Variants in SNX29 observed in about 807,000 individuals in gnomAD.
SNX29 encodes sorting nexin-29.
In SNX29, 78 loss-of-function variants were observed where a neutral mutation model predicts 102.1. The ratio of observed to expected loss-of-function variants is 0.76; its 90% CI spans 0.64 to 0.92. SNX29 has a LOEUF of 0.92. Among genes scored for constraint, SNX29 ranks in the 40% least tolerant of loss-of-function variants. The pLI is 0.00. For synonymous variants in SNX29, 580 were observed against 414.5 expected, an observed-to-expected ratio of 1.40 and a Z score of -4.85; for missense variants, 1,280 against 1,061.7, an observed-to-expected ratio of 1.21 and a Z score of -2.86.
At chr16:12,534,911 C>G (rs1221742014) in intron 20 of SNX29, among the ~76,000 whole-genome samples, 5 of 152,292 alleles carry the variant, frequency 3.3e-5, no homozygotes, top group African/African-American at 1.2e-4. Context: ...AAGGGATGTA[C>G]TGAGCATCCT....
At chr16:12,451,301 C>T (rs1239467527) in intron 18 of SNX29, among the ~76,000 whole-genome samples, 1 of 152,128 alleles carries the variant, frequency 6.6e-6, no homozygotes, top group Non-Finnish European at 1.5e-5. Context: ...TTCTTCCCCA[C>T]CAGCTCCACC....
intron 16 of SNX29, among the ~76,000 whole-genome samples, chr16:12,395,374 T>C (rs1009913857): frequency 6.6e-6 from 1 of 152,234 alleles, no homozygotes; most frequent in Non-Finnish European, 1.5e-5. Flanking sequence ...TGATGGAAAC[T>C]TCTTTGCTGA....
chr16:12,382,619 AC>A (rs2083208872), intron 16 of SNX29, among the ~76,000 whole-genome samples: 1 of 152,252 alleles, frequency 6.6e-6, no homozygotes, highest in Admixed American at 6.5e-5. Context: ...GTAACCAATT[AC>A]CATAAACGTG....
chr16:12,071,748 A>G (rs1392750531), intron 10 of SNX29, among the ~76,000 whole-genome samples: 2 of 152,152 alleles, frequency 1.3e-5, no homozygotes, highest in African/African-American at 4.8e-5. Context: ...TTGAATCTAT[A>G]AATTACCTTG....
chr16:12,268,054 G>A (rs1024361550), intron 14 of SNX29, among the ~76,000 whole-genome samples: 3 of 152,162 alleles, frequency 2.0e-5, no homozygotes, highest in Non-Finnish European at 4.4e-5. Context: ...AGGGCTGTGC[G>A]GAGCTCACTC....
At chr16:12,276,400 C>T (rs894287428) in intron 14 of SNX29, among the ~76,000 whole-genome samples, 7 of 152,172 alleles carry the variant, frequency 4.6e-5, no homozygotes, top group African/African-American at 7.2e-5. Context: ...CTTGAGCCTT[C>T]GGCGGGCTCT....
intron 7 of SNX29, among the ~76,000 whole-genome samples, chr16:12,049,358 A>T (rs1446524938): frequency 1.3e-5 from 2 of 149,410 alleles, no homozygotes; most frequent in Admixed American, 6.7e-5. Flanking sequence ...TTTGAGACAG[A>T]GTCTCACTCT....
chr16:12,536,357 T>C (rs1171164006), intron 20 of SNX29, among the ~76,000 whole-genome samples: 1 of 151,646 alleles, frequency 6.6e-6, no homozygotes, highest in East Asian at 1.9e-4. Context: ...ACTGTCAGGG[T>C]TGGGGGTAAA....
intron 18 of SNX29, among the ~76,000 whole-genome samples, chr16:12,437,336 T>A (rs142547921): frequency 6.6e-6 from 1 of 152,344 alleles, no homozygotes; most frequent in African/African-American, 2.4e-5. Flanking sequence ...CAGCTCAGGA[T>A]GGAGTGGATG....
At chr16:12,490,747 T>C (rs894979279) in intron 19 of SNX29, among the ~76,000 whole-genome samples, 6 of 152,250 alleles carry the variant, frequency 3.9e-5, no homozygotes, top group African/African-American at 1.4e-4. Context: ...TCACATTTTA[T>C]CATATTTGCT....
Position 12,561,545 on chromosome 16 carries a change from T to C in SNX29, c.2319-6961T>C, listed in dbSNP as rs13338085. 4.0e-3 allele frequency among the ~76,000 whole-genome samples: 608 copies of C among 152,142 alleles called. 6 individuals carry two copies. Among genetic ancestry groups the C allele is most frequent in the African/African-American group, 0.014 (586 of 41,528 alleles). ...AAAGTTAGTCTCTCCTCGCAGCCAT[T>C]TTCACTGATGAGCAGTTGAGGCTGT... is the stretch of plus-strand genomic sequence containing the variant. On this transcript the variant is annotated intron_variant, in intron 20 of 20. Coordinates refer to ENST00000566228, the MANE Select transcript of SNX29 (RefSeq NM_032167.5).
rs146278280 is a variant in SNX29, at chr16:12,419,759, A to G, written c.2037+16230A>G. Among the ~76,000 whole-genome samples, 679 of 152,260 alleles carry G rather than the reference A, an allele frequency of 4.5e-3. 6 individuals are homozygous for G. Among genetic ancestry groups the G allele is most frequent in the African/African-American group, 0.015 (613 of 41,542 alleles). On this transcript the variant is annotated intron_variant, in intron 18 of 20. Transcript: ENST00000566228. Reference sequence around the variant, plus strand: ...TGGAAGTGACTGTCTTTGACTCTCAATGGTCTAGGCCATACCACGTGTCTG... The same window carrying G: ...TGGAAGTGACTGTCTTTGACTCTCAGTGGTCTAGGCCATACCACGTGTCTG...
rs1447048745 is a variant in SNX29 at position 12,180,517 on chromosome 16, T to TCTCGG, written c.1596-19082_1596-19081insCGGCT. Reference sequence around the variant, plus strand: ...TTTTTTTTTTGAGATGGAGTCTTGCTCTGTCGCCCAGGCTGGAGTGCAGTG... The same window carrying TCTCGG: ...TTTTTTTTTTGAGATGGAGTCTTGCTCTCGGCTGTCGCCCAGGCTGGAGTGCAGTG... On this transcript the variant is annotated intron_variant, in intron 13 of 20. Transcript: ENST00000566228. 9.6e-3 allele frequency among the ~76,000 whole-genome samples: 1,462 copies of TCTCGG among 152,034 alleles called. 70 individuals carry two copies. The highest frequency in any genetic ancestry group is 0.085 in the Admixed American group (1,291 of 15,240).
chr16:12,490,131 G>A (rs149330807), intron 19 of SNX29, among the ~76,000 whole-genome samples: 1 of 152,166 alleles, frequency 6.6e-6, no homozygotes, highest in African/African-American at 2.4e-5. Flanking sequence ...TTAAGTTGAG[G>A]TATAGCATAC....
intron 20 of SNX29, chr16:12,527,076 AG>A (rs2076804514): frequency 2.3e-6 from 1 of 438,936 alleles, no homozygotes; most frequent in East Asian, 4.1e-5. Flanking sequence ...TCTAGACCCC[AG>A]TTGAAATTAA....
At chr16:12,164,485 C>T (rs998543616) in intron 13 of SNX29, among the ~76,000 whole-genome samples, 1 of 152,130 alleles carries the variant, frequency 6.6e-6, no homozygotes, top group African/African-American at 2.4e-5. Flanking sequence ...CCTAGCATTA[C>T]AACCTTGAGA....
At chr16:12,007,312 C>G (rs1172161681) in intron 3 of SNX29, among the ~76,000 whole-genome samples, 1 of 152,178 alleles carries the variant, frequency 6.6e-6, no homozygotes, top group Non-Finnish European at 1.5e-5. Context: ...CAAGACCAGC[C>G]TGGCCAACAT....
chr16:12,360,329 C>G (rs9924180), intron 16 of SNX29, among the ~76,000 whole-genome samples: 1 of 152,100 alleles, frequency 6.6e-6, no homozygotes, highest in South Asian at 2.1e-4. Flanking sequence ...TTTCCCTTGT[C>G]TTTTTTGTCA....
chr16:12,297,710 C>G (rs2080029308), intron 15 of SNX29, among the ~76,000 whole-genome samples: 1 of 152,176 alleles, frequency 6.6e-6, no homozygotes, highest in African/African-American at 2.4e-5. Context: ...CCAATATATT[C>G]CATTTTTATT....
Sources: allele counts gnomAD v4.1 joint callset (sites outside exome capture counted in the v4.1 genomes callset), GRCh38; gene constraint gnomAD v4.1.1; transcripts MANE v1.5; gene names NCBI Gene and HGNC (gene_info 2026-07-23, HGNC 2026-07-21).